BRIP1: variants seen among roughly 807,000 people sequenced by gnomAD.
BRIP1 encodes the protein Fanconi anemia group J protein.
BRIP1 carries 88 observed loss-of-function variants against 119.7 expected under a neutral mutation model. The ratio of observed to expected loss-of-function variants is 0.74; its 90% confidence interval spans 0.62 to 0.88. BRIP1 has a LOEUF of 0.88. Ranked by LOEUF, BRIP1 falls within the 40% of genes least tolerant of loss-of-function variation. The probability of loss-of-function intolerance (pLI) is 0.00; values close to 1 mark genes in which losing one functional copy is unlikely to be tolerated. For synonymous variants in BRIP1, 443 were observed against 496.5 expected (o/e 0.89, Z 1.43); for missense variants, 1,259 against 1,455.4 (o/e 0.87, Z 2.20).
intron 17 of BRIP1, among the ~76,000 whole-genome samples, chr17:61,702,617 T>C (rs144117108): frequency 6.6e-6 from 1 of 152,330 alleles, no homozygotes. Context: ...TCCATCCATG[T>C]TGCTGCAAAG....
intron 17 of BRIP1, among the ~76,000 whole-genome samples, chr17:61,707,736 T>C (rs1375787331): frequency 6.6e-6 from 1 of 152,206 alleles, no homozygotes; most frequent in Non-Finnish European, 1.5e-5. Flanking sequence ...ATTAAGATTT[T>C]TTTTTGAAGA....
intron 10 of BRIP1, among the ~76,000 whole-genome samples, chr17:61,787,253 A>G (rs2077737663): frequency 1.4e-5 from 1 of 72,802 alleles, no homozygotes; most frequent in Admixed American, 2.5e-4. Context: ...AATATATTAT[A>G]TACTATATAA....
At position 61,776,226 on chromosome 17, in the gene BRIP1, G is replaced by A. The variant is rs530326568; in HGVS notation, c.2097+175C>T. 2 of 690,590 alleles carry A rather than the reference G, an allele frequency of 2.9e-6. No homozygotes were observed. Among genetic ancestry groups the A allele is most frequent in the East Asian group, 2.8e-5 (1 of 35,440 alleles). The allele number at this position is 690,590 out of a possible 1,614,324, so 42.8% of individuals were successfully genotyped here. A position where few individuals can be genotyped will look rare whatever the true frequency, so the allele number is the denominator to read the frequency against. ...AGTAAAACAGAGGTAGGACAATCAG[G>A]CAGTATCTTAATCAAAAAATAAGTA... On this transcript the variant is annotated intron_variant, in intron 14 of 19. Transcript: ENST00000259008. The surrounding 1 kb of genome is among the most constrained non-coding windows in gnomAD (Gnocchi z 5.0).
intron 6 of BRIP1, among the ~76,000 whole-genome samples, chr17:61,812,752 T>C (rs2145459059): frequency 6.6e-6 from 1 of 152,286 alleles, no homozygotes; most frequent in South Asian, 2.1e-4. Context: ...AAAATTTTTC[T>C]TGTGTTTAAT....
intron 7 of BRIP1, among the ~76,000 whole-genome samples, chr17:61,801,768 T>C (rs911492399): frequency 5.9e-5 from 9 of 152,152 alleles, no homozygotes; most frequent in African/African-American, 1.9e-4. Flanking sequence ...CCTTTTTTTT[T>C]CTGATTAAAC....
rs1177710152 is a variant in BRIP1 at position 61,700,901 on chromosome 17, C to A, written c.2493-7389G>T. Among the ~76,000 whole-genome samples, 2 of 152,028 alleles carry A rather than the reference C, an allele frequency of 1.3e-5. No individual in the cohort carries two copies. The highest frequency in any genetic ancestry group is 1.5e-5 in the Non-Finnish European group (1 of 68,028). On this transcript the variant is annotated intron_variant, in intron 17 of 19. Transcript: ENST00000259008. The surrounding 1 kb of genome is among the most constrained non-coding windows in gnomAD (Gnocchi z 4.1). Reference sequence around the variant, plus strand: ...CAATTGATGTTTAAGTAAATCAATTCTTTCTTCTGCCTTCTTAAATCTGCT... The same window carrying A: ...CAATTGATGTTTAAGTAAATCAATTATTTCTTCTGCCTTCTTAAATCTGCT...
chr17:61,838,690 T>C (rs993212920), intron 6 of BRIP1, among the ~76,000 whole-genome samples: 1 of 151,962 alleles, frequency 6.6e-6, no homozygotes, highest in South Asian at 2.1e-4. Flanking sequence ...ATTTACCTTA[T>C]TCAAGATTAT....
rs750961319 is a variant in BRIP1, at chr17:61,686,114, C to T, written c.2627G>A (p.Ser876Asn). 1.2e-6 allele frequency: 2 copies of T among 1,614,040 alleles called. No individual in the cohort carries two copies. The highest frequency in any genetic ancestry group is 1.7e-6 in the Non-Finnish European group (2 of 1,179,948). ...QQIQHHSTFE[S>N]ALESLAEFSK... is the part of the protein sequence containing the mutation. ...AAATTCAGCCAAGGATTCCAGTGCA[C>T]TTTCAAAGGTTGAATGGTGCTGAAT... Residue 876 changes from serine to asparagine, a missense_variant, in exon 19 of 20, where the codon AGT becomes AAT. Transcript: ENST00000259008. This position sits in a 1 kb window ranked among gnomAD's most constrained non-coding sequence, Gnocchi z 5.4.
At chr17:61,786,944 A>C (rs1455525865) in intron 10 of BRIP1, among the ~76,000 whole-genome samples, 2 of 111,426 alleles carry the variant, frequency 1.8e-5, no homozygotes, top group Non-Finnish European at 3.3e-5. Flanking sequence ...TAATATATTT[A>C]TATATAATAT....
chr17:61,821,569 G>T (rs1050553732), intron 6 of BRIP1, among the ~76,000 whole-genome samples: 28 of 147,594 alleles, frequency 1.9e-4, no homozygotes, highest in Admixed American at 3.4e-4. Flanking sequence ...TCATTCTGTT[G>T]CCCAGGCTGG....
rs546629433 is a variant in BRIP1 at position 61,758,936 on chromosome 17, A to T, written c.2098-14345T>A. Among the ~76,000 whole-genome samples the T allele has an allele frequency of 6.6e-6, 1 of 152,060 alleles. No individual in the cohort carries two copies. Among genetic ancestry groups the T allele is most frequent in the African/African-American group, 2.4e-5 (1 of 41,466 alleles). On this transcript the variant is annotated intron_variant, in intron 14 of 19. Coordinates refer to ENST00000259008, the MANE Select transcript of BRIP1 (RefSeq NM_032043.3). The surrounding 1 kb of genome is among the most constrained non-coding windows in gnomAD (Gnocchi z 5.3). The stretch of plus-strand genomic sequence containing the variant: ...CTGAGGTTGATCCCTTCAACCCAGG[A>T]GTTCAAGGTTATAGTGACCTATGAT...
At position 61,751,418 on chromosome 17, in the gene BRIP1, T is replaced by C. The variant is rs568803115; in HGVS notation, c.2098-6827A>G. Among the ~76,000 whole-genome samples the C allele has an allele frequency of 9.2e-5, 14 of 152,286 alleles. No individual in the cohort carries two copies. In the East Asian group the frequency reaches 2.7e-3, roughly 29 times the overall value. On this transcript the variant is annotated intron_variant, in intron 14 of 19. Coordinates refer to ENST00000259008, the MANE Select transcript of BRIP1 (RefSeq NM_032043.3). This position sits in a 1 kb window ranked among gnomAD's most constrained non-coding sequence, Gnocchi z 6.7. ...TGGAAAGGGATACTGGTGATGGTTG[T>C]ACAACATCATGAATGTACTTGATGG...
At chr17:61,782,340 C>T (rs1489005486) in intron 11 of BRIP1, among the ~76,000 whole-genome samples, 7 of 146,628 alleles carry the variant, frequency 4.8e-5, no homozygotes, top group Admixed American at 1.4e-4. Context: ...GAGCCGAGAT[C>T]GCGCCACTGC....
intron 16 of BRIP1, among the ~76,000 whole-genome samples, chr17:61,732,993 C>T (rs1019669394): frequency 1.3e-5 from 2 of 152,042 alleles, no homozygotes; most frequent in Admixed American, 6.5e-5. Flanking sequence ...TGCACACGGC[C>T]GTCATTAACA....
Position 61,744,464 on chromosome 17 carries a change from T to G in BRIP1, c.2225A>C (p.Tyr742Ser), listed in dbSNP as rs1555591351. The G allele has an allele frequency of 1.9e-6, 3 of 1,614,018 alleles. No individual in the cohort carries two copies. Among genetic ancestry groups the G allele is most frequent in the Non-Finnish European group, 2.5e-6 (3 of 1,179,922 alleles). The part of the protein sequence containing the change: ...KTNFDELLQV[Y>S]YDAIKYKGEK... ...TCCTTTGTATTTGATTGCGTCATAGTACACCTGCAGTAATTCATCAAAATT... is the reference window on the plus strand; with the variant it reads ...TCCTTTGTATTTGATTGCGTCATAGGACACCTGCAGTAATTCATCAAAATT... The change falls in exon 15 of 20, where the codon TAC (tyrosine) becomes TCC (serine). Residue 742 changes from tyrosine (Y) to serine (S), a missense_variant. Physicochemically the swap from Tyr to Ser is moderately radical, Grantham distance 144. Coordinates refer to ENST00000259008, the MANE Select transcript of BRIP1 (RefSeq NM_032043.3). This position sits in a 1 kb window ranked among gnomAD's most constrained non-coding sequence, Gnocchi z 5.0.
At position 61,693,346 on chromosome 17, in the gene BRIP1, A is replaced by C; in HGVS notation, c.2575+84T>G. ...TGTACTGTGCACTTAATAAGATAGT[A>C]GAGCTCATGTTATGTGTTTTTCACC... On this transcript the variant is annotated intron_variant, in intron 18 of 19. Transcript: ENST00000259008. This position sits in a 1 kb window ranked among gnomAD's most constrained non-coding sequence, Gnocchi z 4.2. The C allele has an allele frequency of 1.9e-5, 22 of 1,135,446 alleles. No individual in the cohort carries two copies. The highest frequency in any genetic ancestry group is 2.8e-5 in the Non-Finnish European group (21 of 745,962). 70.3% of individuals were successfully genotyped at this position (1,135,446 alleles called of 1,614,324 possible).
At position 61,776,200 on chromosome 17, in the gene BRIP1, A is replaced by T; in HGVS notation, c.2097+201T>A. The T allele has an allele frequency of 1.6e-6, 1 of 607,312 alleles. No individual in the cohort carries two copies. The highest frequency in any genetic ancestry group is 2.8e-6 in the Non-Finnish European group (1 of 358,434). 37.6% of individuals were successfully genotyped at this position (607,312 alleles called of 1,614,324 possible). A position where few individuals can be genotyped will look rare whatever the true frequency, so the allele number is the denominator to read the frequency against. ...TCCAGCCTTGCTCTTTCAGACTTTT[A>T]AGTAAAACAGAGGTAGGACAATCAG... On this transcript the variant is annotated intron_variant, in intron 14 of 19. Coordinates refer to ENST00000259008, the MANE Select transcript of BRIP1 (RefSeq NM_032043.3). The surrounding 1 kb of genome is among the most constrained non-coding windows in gnomAD (Gnocchi z 5.0).
chr17:61,775,048 C>T lies in BRIP1; in HGVS notation c.2097+1353G>A, dbSNP rs1348634115. Among the ~76,000 whole-genome samples, 1 of 152,084 alleles carries T rather than the reference C, an allele frequency of 6.6e-6. No individual in the cohort carries two copies. The highest frequency in any genetic ancestry group is 1.5e-5 in the Non-Finnish European group (1 of 67,976). On this transcript the variant is annotated intron_variant, in intron 14 of 19. Coordinates refer to ENST00000259008, the MANE Select transcript of BRIP1 (RefSeq NM_032043.3). The surrounding 1 kb of genome is among the most constrained non-coding windows in gnomAD (Gnocchi z 4.4). ...CATAATCCCATAAATAACTTTTCTT[C>T]CAATTTCCCGGAAGATATTTGTCTC...
In BRIP1 at chr17:61,808,944, C is replaced by A. The variant is rs940027610; in HGVS notation, c.628-187G>T. Reference sequence around the variant, plus strand: ...CTACAATTTAAAATTGGTCCTCATTCTTTCTTTTAAAAGTTATAAATGATA... The same window carrying A: ...CTACAATTTAAAATTGGTCCTCATTATTTCTTTTAAAAGTTATAAATGATA... On this transcript the variant is annotated intron_variant, in intron 6 of 19. Transcript: ENST00000259008. This position sits in a 1 kb window ranked among gnomAD's most constrained non-coding sequence, Gnocchi z 4.1. 1.3e-5 allele frequency among the ~76,000 whole-genome samples: 2 copies of A among 152,156 alleles called. No individual in the cohort carries two copies. Among genetic ancestry groups the A allele is most frequent in the African/African-American group, 4.8e-5 (2 of 41,454 alleles).
Sources: allele counts gnomAD v4.1 joint callset (sites outside exome capture counted in the v4.1 genomes callset), GRCh38; gene constraint gnomAD v4.1.1; non-coding constraint Gnocchi (gnomAD v3.1); transcripts MANE v1.5; gene names NCBI Gene and HGNC (gene_info 2026-07-23, HGNC 2026-07-21).